DNAJC8: variants seen among roughly 807,000 people sequenced by gnomAD.
The protein encoded by DNAJC8 is DnaJ heat shock protein family (Hsp40) member C8.
A neutral mutation model predicts 43.2 loss-of-function variants in DNAJC8; 24 were observed. The ratio of observed to expected loss-of-function variants is 0.56; its 90% CI spans 0.40 to 0.78. The LOEUF (loss-of-function observed/expected upper bound fraction) is 0.78. Ranked by LOEUF, DNAJC8 falls within the 30% of genes least tolerant of loss-of-function variation. The probability of loss-of-function intolerance (pLI) is 0.00; values close to 1 mark genes in which losing one functional copy is unlikely to be tolerated. For synonymous variants in DNAJC8, 83 were observed against 98.0 expected, an observed-to-expected ratio of 0.85 and a Z score of 0.90; for missense variants, 207 against 299.4, an observed-to-expected ratio of 0.69 and a Z score of 2.28.
chr1:28,207,263 A>C (rs1349303005), intron 6 of DNAJC8, among the ~76,000 whole-genome samples: 1 of 151,964 alleles, frequency 6.6e-6, no homozygotes, highest in Admixed American at 6.6e-5. Flanking sequence ...CTGTAATCCC[A>C]GCTACTCAGG....
intron 1 of DNAJC8, among the ~76,000 whole-genome samples, chr1:28,231,064 A>C (rs1296690360): frequency 6.6e-6 from 1 of 152,164 alleles, no homozygotes; most frequent in African/African-American, 2.4e-5. Flanking sequence ...CCTCATGAAA[A>C]TGTTTATTTT....
At chr1:28,224,297 T>G (rs111550481) in intron 2 of DNAJC8, among the ~76,000 whole-genome samples, 9,113 of 152,168 alleles carry the variant, frequency 0.06, 303 homozygotes, top group Middle Eastern at 0.092. Flanking sequence ...AGATGGAGTC[T>G]CACTCTGTCG....
chr1:28,231,004 G>A (rs1365252043), intron 1 of DNAJC8, among the ~76,000 whole-genome samples: 1 of 152,160 alleles, frequency 6.6e-6, no homozygotes, highest in African/African-American at 2.4e-5. Flanking sequence ...TGAGAAAGAT[G>A]CTTCTGCTTT....
intron 3 of DNAJC8, among the ~76,000 whole-genome samples, chr1:28,211,342 G>A (rs944949675): frequency 2.0e-5 from 3 of 152,204 alleles, no homozygotes; most frequent in African/African-American, 7.2e-5. Context: ...GTGCTAACAT[G>A]ATGCTCAAAG....
intron 3 of DNAJC8, among the ~76,000 whole-genome samples, chr1:28,211,578 T>G (rs1285176018): frequency 1.3e-5 from 2 of 152,198 alleles, no homozygotes; most frequent in East Asian, 3.8e-4. Flanking sequence ...AGTTTCTCAT[T>G]CTGCCTGTGC....
At chr1:28,215,729 G>T (rs1312798198) in intron 2 of DNAJC8, among the ~76,000 whole-genome samples, 2 of 152,084 alleles carry the variant, frequency 1.3e-5, no homozygotes, top group South Asian at 2.1e-4. Context: ...TAGACACAGG[G>T]TTTCTCCATG....
intron 3 of DNAJC8, among the ~76,000 whole-genome samples, chr1:28,214,366 C>T (rs1646836690): frequency 6.6e-6 from 1 of 152,006 alleles, no homozygotes. Flanking sequence ...GAAACTCTGT[C>T]TCTACCAAAA....
intron 2 of DNAJC8, among the ~76,000 whole-genome samples, chr1:28,219,074 T>G (rs1299981227): frequency 1.3e-5 from 2 of 152,188 alleles, no homozygotes; most frequent in East Asian, 3.8e-4. Context: ...CAACTAATCA[T>G]GCCAAATGTA....
At chr1:28,226,118 T>C (rs1234307445) in intron 2 of DNAJC8, among the ~76,000 whole-genome samples, 1 of 151,378 alleles carries the variant, frequency 6.6e-6, no homozygotes, top group Non-Finnish European at 1.5e-5. Flanking sequence ...ACAAAAATAT[T>C]CACTTCAAAA....
rs1408510134 is a variant in DNAJC8, at chr1:28,200,474, T to A, written c.*774A>T. ...AGAAACTAAGGTTCAGCCAGGTCTG[T>A]CCAACCCCAAAGCATTTTGGGGTTC... On this transcript the variant is annotated 3_prime_UTR_variant, in exon 9 of 9. Coordinates refer to ENST00000263697, the MANE Select transcript of DNAJC8 (RefSeq NM_014280.3). The A allele has an allele frequency of 2.2e-6, 1 of 456,368 alleles. No individual in the cohort carries two copies. Among genetic ancestry groups the A allele is most frequent in the African/African-American group, 2.0e-5 (1 of 50,058 alleles). The allele number at this position is 456,368 out of a possible 1,614,324, so 28.3% of individuals were successfully genotyped here.
intron 2 of DNAJC8, among the ~76,000 whole-genome samples, chr1:28,215,326 CCTTTA>C (rs1413890011): frequency 6.6e-6 from 1 of 152,082 alleles, no homozygotes; most frequent in Non-Finnish European, 1.5e-5. Flanking sequence ...ACTCCCCCTC[CCTTTA>C]TTTTTGCAAA....
At chr1:28,223,833 T>C (rs916269541) in intron 2 of DNAJC8, among the ~76,000 whole-genome samples, 5 of 152,046 alleles carry the variant, frequency 3.3e-5, no homozygotes, top group Admixed American at 6.6e-5. Context: ...TGTAAACATA[T>C]ATGTACACAC....
At chr1:28,219,401 C>A (rs1319761937) in intron 2 of DNAJC8, among the ~76,000 whole-genome samples, 1 of 152,082 alleles carries the variant, frequency 6.6e-6, no homozygotes, top group African/African-American at 2.4e-5. Context: ...CCCAGCTACT[C>A]AGGAAGCTGA....
chr1:28,227,137 G>A (rs1348525187), intron 2 of DNAJC8, among the ~76,000 whole-genome samples: 5 of 129,846 alleles, frequency 3.9e-5, no homozygotes, highest in Admixed American at 1.7e-4. Context: ...GGACAGGCGC[G>A]GTGGCTCACA....
chr1:28,202,309 T>G (rs570846294), intron 8 of DNAJC8, among the ~76,000 whole-genome samples: 1 of 152,270 alleles, frequency 6.6e-6, no homozygotes, highest in South Asian at 2.1e-4. Flanking sequence ...AGATGCAGTC[T>G]CGCTCTGTTG....
chr1:28,208,063 G>A (rs1026178483), intron 6 of DNAJC8, among the ~76,000 whole-genome samples: 9 of 152,106 alleles, frequency 5.9e-5, no homozygotes, highest in East Asian at 5.8e-4. Context: ...AAAATTAACC[G>A]GGCATGGTGG....
chr1:28,221,155 T>C (rs1025251412), intron 2 of DNAJC8, among the ~76,000 whole-genome samples: 1 of 151,564 alleles, frequency 6.6e-6, no homozygotes, highest in African/African-American at 2.4e-5. Flanking sequence ...CTGGCTAACA[T>C]AGTGAAACCC....
intron 6 of DNAJC8, among the ~76,000 whole-genome samples, chr1:28,206,207 T>C (rs1646767411): frequency 6.6e-6 from 1 of 151,756 alleles, no homozygotes; most frequent in African/African-American, 2.4e-5. Context: ...TAAAAAAGTA[T>C]ATTATATGAT....
At chr1:28,221,277 TGCAGTAA>T (rs773024663) in intron 2 of DNAJC8, among the ~76,000 whole-genome samples, 101 of 151,940 alleles carry the variant, frequency 6.6e-4, no homozygotes, top group Non-Finnish European at 1.2e-3. Context: ...AGGCGGAGGT[TGCAGTAA>T]GCCGAGATCG....
Sources: gnomAD v4.1 joint callset for allele counts (sites outside exome capture counted in the v4.1 genomes callset) on GRCh38, gnomAD v4.1.1 for gene constraint, MANE v1.5 for transcripts, NCBI Gene and HGNC (gene_info 2026-07-23, HGNC 2026-07-21) for gene names.